The following HDAC4 variants were observed in gnomAD, a reference collection of about 807,000 sequenced individuals.
HDAC4 encodes the protein histone deacetylase A.
A neutral mutation model predicts 135.1 loss-of-function variants in HDAC4; 16 were observed. The observed-to-expected ratio is 0.12, with a 90% confidence interval of 0.08 to 0.18. The LOEUF (loss-of-function observed/expected upper bound fraction) is 0.18. Ranked by LOEUF, HDAC4 falls within the 10% of genes least tolerant of loss-of-function variation. The pLI, the probability that HDAC4 is intolerant of heterozygous loss-of-function variation, is 1.00. For missense variants in HDAC4, 1,143 were observed against 1,511.8 expected (o/e 0.76, Z 4.05); for synonymous variants, 685 against 653.4 (o/e 1.05, Z -0.74).
chr2:239,118,011 C>T (rs74000674), intron 12 of HDAC4, among the ~76,000 whole-genome samples: 1,788 of 152,228 alleles, frequency 0.012, 28 homozygotes, highest in African/African-American at 0.041. Context: ...CTACGGGGCA[C>T]GGGTTGGTGG....
intron 2 of HDAC4, among the ~76,000 whole-genome samples, chr2:239,237,045 G>A (rs1157194078): frequency 6.6e-6 from 1 of 152,044 alleles, no homozygotes; most frequent in Admixed American, 6.5e-5. Flanking sequence ...AGTGACAAAC[G>A]GTCTGGACGC....
intron 2 of HDAC4, among the ~76,000 whole-genome samples, chr2:239,318,908 TAA>T (rs1454285005): frequency 6.6e-6 from 1 of 152,126 alleles, no homozygotes; most frequent in Non-Finnish European, 1.5e-5. Flanking sequence ...TGTAGAACAC[TAA>T]GACTACAAAA....
chr2:239,359,704 C>T lies in HDAC4; in HGVS notation c.-219-6786G>A, dbSNP rs372834753. ...TTCCCTGGTGCCTCTGGTGAAGGCT[C>T]ACTGAGAGCCAGGTCACCAGGAACC... is the stretch of plus-strand genomic sequence containing the variant. On this transcript the variant is annotated intron_variant, in intron 1 of 26. Coordinates refer to ENST00000543185, the MANE Select transcript of HDAC4 (RefSeq NM_001378414.1). Among the ~76,000 whole-genome samples the T allele has an allele frequency of 2.3e-4, 35 of 152,340 alleles. No individual in the cohort carries two copies. The South Asian group carries it at 7.1e-3, about 31-fold the overall frequency.
intron 3 of HDAC4, among the ~76,000 whole-genome samples, chr2:239,216,315 GA>G (rs763164213): frequency 6.5e-4 from 94 of 144,254 alleles, no homozygotes; most frequent in East Asian, 1.0e-3. Flanking sequence ...TCTTCCCAGA[GA>G]AAAAAAAAAA....
chr2:239,253,626 G>A (rs994431284), intron 2 of HDAC4, among the ~76,000 whole-genome samples: 1 of 152,204 alleles, frequency 6.6e-6, no homozygotes, highest in Admixed American at 6.5e-5. Context: ...GCACTGACTC[G>A]ATAAGGATCC....
chr2:239,297,458 G>C (rs2051975871), intron 2 of HDAC4, among the ~76,000 whole-genome samples: 1 of 152,250 alleles, frequency 6.6e-6, no homozygotes. Flanking sequence ...TGACAGCATA[G>C]GGTTGAGACG....
At chr2:239,162,252 C>T (rs760262094) in intron 6 of HDAC4, 9 of 455,952 alleles carry the variant, frequency 2.0e-5, no homozygotes, top group Non-Finnish European at 4.4e-6. Context: ...TGCTCGGCTG[C>T]CTCACAGGGG....
chr2:239,390,244 G>A (rs865942214), intron 1 of HDAC4, among the ~76,000 whole-genome samples: 4 of 152,242 alleles, frequency 2.6e-5, no homozygotes, highest in African/African-American at 4.8e-5. Context: ...TACCTCCCTC[G>A]AAGCCAGCCA....
At chr2:239,124,292 A>C (rs73097678) in intron 12 of HDAC4, among the ~76,000 whole-genome samples, 17,095 of 152,262 alleles carry the variant, frequency 0.11, 3,008 homozygotes, top group African/African-American at 0.38. Flanking sequence ...TGTTCCCCAG[A>C]AATGCTCCCC....
intron 22 of HDAC4, among the ~76,000 whole-genome samples, chr2:239,071,439 G>A (rs550069211): frequency 2.6e-5 from 4 of 152,226 alleles, no homozygotes; most frequent in African/African-American, 4.8e-5. Flanking sequence ...AGACTCTCGG[G>A]GGAAACTCTC....
At chr2:239,335,350 C>G (rs1438547606) in intron 2 of HDAC4, among the ~76,000 whole-genome samples, 1 of 151,116 alleles carries the variant, frequency 6.6e-6, no homozygotes, top group Non-Finnish European at 1.5e-5. Context: ...AACTCTCAAT[C>G]CCTACCTCAC....
At position 239,156,668 on chromosome 2, in the gene HDAC4, G is replaced by A. The variant is rs773218075; in HGVS notation, c.717C>T (p.Phe239=). The change falls in exon 7 of 27, where the codon TTC becomes TTT. Residue 239 remains phenylalanine (F), a synonymous_variant. Transcript: ENST00000543185. ...VLGMYDAKDD[F]PLRKTASEPN... ...GGCACTGACCTGTTTTCCTAAGAGG[G>A]AAGTCATCTTTGGCGTCGTACATTC... The A allele has an allele frequency of 1.8e-5, 29 of 1,614,034 alleles. No individual in the cohort carries two copies. In the East Asian group the frequency reaches 3.6e-4, roughly 20 times the overall value.
chr2:239,194,499 C>T (rs2045232411), intron 3 of HDAC4, among the ~76,000 whole-genome samples: 1 of 152,222 alleles, frequency 6.6e-6, no homozygotes, highest in Non-Finnish European at 1.5e-5. Flanking sequence ...GCTGAACCTC[C>T]TGTGCGTGCA....
chr2:239,078,126 T>A (rs565145229), intron 22 of HDAC4, among the ~76,000 whole-genome samples: 2 of 152,282 alleles, frequency 1.3e-5, no homozygotes, highest in East Asian at 3.9e-4. Context: ...ACCATCTTCA[T>A]CGTCATCGTC....
intron 1 of HDAC4, among the ~76,000 whole-genome samples, chr2:239,357,732 A>AT (rs1336330818): frequency 6.6e-6 from 1 of 150,712 alleles, no homozygotes; most frequent in Non-Finnish European, 1.5e-5. Context: ...AAAAATAATA[A>AT]AAAAAAATAA....
At chr2:239,222,121 C>T (rs999564071) in intron 3 of HDAC4, among the ~76,000 whole-genome samples, 1 of 152,174 alleles carries the variant, frequency 6.6e-6, no homozygotes, top group Non-Finnish European at 1.5e-5. Context: ...AGAAACAGAT[C>T]AGAAACGCCT....
intron 1 of HDAC4, among the ~76,000 whole-genome samples, chr2:239,388,995 C>T (rs1410510577): frequency 6.6e-6 from 1 of 152,174 alleles, no homozygotes; most frequent in Admixed American, 6.5e-5. Flanking sequence ...CCTGGGAGCC[C>T]GCATTCTGCC....
chr2:239,258,240 A>C (rs573277447), intron 2 of HDAC4, among the ~76,000 whole-genome samples: 1 of 152,280 alleles, frequency 6.6e-6, no homozygotes, highest in South Asian at 2.1e-4. Context: ...CTCAAAAGTC[A>C]AGGGCAGGAA....
intron 1 of HDAC4, among the ~76,000 whole-genome samples, chr2:239,383,188 T>G (rs1695540346): frequency 6.6e-6 from 1 of 152,176 alleles, no homozygotes; most frequent in African/African-American, 2.4e-5. Context: ...AAGATGTGCT[T>G]GTTTCCCGTG....
Sources: allele counts gnomAD v4.1 joint callset (sites outside exome capture counted in the v4.1 genomes callset), GRCh38; gene constraint gnomAD v4.1.1; transcripts MANE v1.5; gene names NCBI Gene and HGNC (gene_info 2026-07-23, HGNC 2026-07-21).